Variants in C1orf159 observed in about 807,000 individuals in gnomAD.
C1orf159 encodes chromosome 1 open reading frame 159, also known as uncharacterized protein C1orf159.
A neutral mutation model predicts 25.6 loss-of-function variants in C1orf159; 19 were observed. The observed-to-expected ratio is 0.74, with a 90% CI of 0.52 to 1.09. The LOEUF is 1.09. Among genes scored for constraint, C1orf159 ranks in the 50% least tolerant of loss-of-function variants. The pLI, the probability that C1orf159 is intolerant of heterozygous loss-of-function variation, is 0.00. For synonymous variants in C1orf159, 139 were observed against 124.7 expected (o/e 1.12, Z -0.77); for missense variants, 274 against 290.6 (o/e 0.94, Z 0.42).
intron 1 of C1orf159, among the ~76,000 whole-genome samples, chr1:1,099,496 C>T (rs528477953): frequency 0.083 from 8,707 of 105,070 alleles, 1,039 homozygotes; most frequent in African/African-American, 0.24. Flanking sequence ...TTAAAATCTC[C>T]GACTATGATT....
intron 1 of C1orf159, among the ~76,000 whole-genome samples, chr1:1,115,301 A>G (rs2100784704): frequency 6.6e-6 from 1 of 152,230 alleles, no homozygotes; most frequent in South Asian, 2.1e-4. Flanking sequence ...CTGCACCCCG[A>G]CTAGCCCTCG....
rs1402084691 is a variant in C1orf159, at chr1:1,083,006, A to T, written c.503-19T>A. 1 of 1,568,338 alleles carries T rather than the reference A, an allele frequency of 6.4e-7. No individual in the cohort carries two copies. Among genetic ancestry groups the T allele is most frequent in the Non-Finnish European group, 8.7e-7 (1 of 1,154,598 alleles). The stretch of plus-strand genomic sequence containing the variant: ...TTCCGTACTGAAACGGGTCAGAGAC[A>T]GGCGAGGTCAGAGTGGGACCTGGAC... On this transcript the variant is annotated intron_variant, in intron 9 of 9. Coordinates refer to ENST00000421241, the MANE Select transcript of C1orf159 (RefSeq NM_017891.5).
chr1:1,086,017 A>C lies in C1orf159; in HGVS notation c.311-5T>G, dbSNP rs778572834. ...AGGCGGCCACGCGCGGAGCCCCTGC[A>C]AACAGACACCGCTGAGCAGACGGGC... On this transcript the variant is annotated splice_polypyrimidine_tract_variant and splice_region_variant and intron_variant, in intron 6 of 9. Coordinates refer to ENST00000421241, the MANE Select transcript of C1orf159 (RefSeq NM_017891.5). The C allele has an allele frequency of 5.0e-6, 8 of 1,612,528 alleles. No homozygotes were observed. The African/African-American group carries it at 9.3e-5, about 19-fold the overall frequency.
chr1:1,115,799 C>T (rs1263449544), intron 1 of C1orf159, among the ~76,000 whole-genome samples: 1 of 133,150 alleles, frequency 7.5e-6, no homozygotes, highest in Admixed American at 7.5e-5. Flanking sequence ...CCTCCCCAGG[C>T]GTCCCGCTCA....
chr1:1,112,036 C>T (rs564921040), intron 1 of C1orf159, among the ~76,000 whole-genome samples: 4 of 152,328 alleles, frequency 2.6e-5, no homozygotes, highest in Admixed American at 1.3e-4. Context: ...CGGAGTCGGG[C>T]GGTTGCCGTA....
rs963525104 is a variant in C1orf159, at chr1:1,107,946, T to G, written c.-136+8114A>C. 3.3e-5 allele frequency among the ~76,000 whole-genome samples: 5 copies of G among 152,262 alleles called. No individual in the cohort carries two copies. The East Asian group carries it at 9.6e-4, about 29-fold the overall frequency. On this transcript the variant is annotated intron_variant, in intron 1 of 9. Transcript: ENST00000421241. ...CATCTGAACATCAGAAGGAACAAACTCCGGACACACCATCTTTAAGAACTG... is the reference window on the plus strand; with the variant it reads ...CATCTGAACATCAGAAGGAACAAACGCCGGACACACCATCTTTAAGAACTG...
chr1:1,089,146 G>A lies in C1orf159; in HGVS notation c.148+1207C>T, dbSNP rs557564365. Among the ~76,000 whole-genome samples the A allele has an allele frequency of 2.0e-4, 31 of 152,244 alleles. No homozygotes were observed. In the East Asian group the frequency reaches 5.2e-3, roughly 26 times the overall value. On this transcript the variant is annotated intron_variant, in intron 4 of 9. Coordinates refer to ENST00000421241, the MANE Select transcript of C1orf159 (RefSeq NM_017891.5). The surrounding 1 kb of genome is among the most constrained non-coding windows in gnomAD (Gnocchi z 7.5). ...CGCAGGGGGAAGCGTATCCAACACC[G>A]CAGGCCCGGCCCCTCCCCACGCGCG... is the stretch of plus-strand genomic sequence containing the variant.
intron 1 of C1orf159, among the ~76,000 whole-genome samples, chr1:1,097,154 T>A (rs1450420834): frequency 6.6e-6 from 1 of 152,226 alleles, no homozygotes; most frequent in East Asian, 1.9e-4. Context: ...TTGCCCAGGC[T>A]GGAGTGCAGT....
rs1646249780 is a variant in C1orf159, at chr1:1,110,971, C to T, written c.-136+5089G>A. On this transcript the variant is annotated intron_variant, in intron 1 of 9. Transcript: ENST00000421241. The surrounding 1 kb of genome is among the most constrained non-coding windows in gnomAD (Gnocchi z 4.8). ...CTGGAGCAGCCTGCGAGGCAATCTC[C>T]ATGGATCACAGGCAGATTCTACATC... 6.6e-6 allele frequency among the ~76,000 whole-genome samples: 1 copy of T among 152,246 alleles called. No individual in the cohort carries two copies. Among genetic ancestry groups the T allele is most frequent in the Non-Finnish European group, 1.5e-5 (1 of 68,034 alleles).
chr1:1,114,449 C>T (rs116497586), intron 1 of C1orf159, among the ~76,000 whole-genome samples: 97 of 152,320 alleles, frequency 6.4e-4, no homozygotes, highest in Non-Finnish European at 7.6e-4. Context: ...TTTAAATGAG[C>T]TACCCAGTAA....
rs914710418 is a variant in C1orf159, at chr1:1,082,690, G to A, written c.*203C>T. The A allele has an allele frequency of 5.9e-5, 35 of 591,036 alleles. No individual in the cohort carries two copies. Among genetic ancestry groups the A allele is most frequent in the African/African-American group, 5.4e-4 (29 of 53,296 alleles). The allele number at this position is 591,036 out of a possible 1,614,324, so 36.6% of individuals were successfully genotyped here. On this transcript the variant is annotated 3_prime_UTR_variant, in exon 10 of 10. Coordinates refer to ENST00000421241, the MANE Select transcript of C1orf159 (RefSeq NM_017891.5). ...GATGCCTGCTCCTGGTCCGATAAAC[G>A]AGATGGCTGTGGTGGGGAGGAGCCT...
chr1:1,083,053 A>T, intron 9 of C1orf159, 66 bp from the exon 10 acceptor site: 1 of 1,359,272 alleles, frequency 7.4e-7, no homozygotes. Flanking sequence ...TGCAGGCCTC[A>T]GCCCTCACCG....
chr1:1,086,626 C>T (rs1645834134), intron 6 of C1orf159, among the ~76,000 whole-genome samples: 1 of 152,248 alleles, frequency 6.6e-6, no homozygotes, highest in Non-Finnish European at 1.5e-5. Flanking sequence ...CACAGAGCCA[C>T]AGGAGGCCAG....
intron 3 of C1orf159, chr1:1,091,055 A>G (rs1197794532): frequency 5.5e-6 from 7 of 1,274,868 alleles, no homozygotes; most frequent in South Asian, 1.4e-5. Context: ...ACCGCCAGGG[A>G]GGGGCCCAGG....
chr1:1,087,523 T>C lies in C1orf159; in HGVS notation c.223A>G (p.Asn75Asp). ...CTACAGCTTCTACACTCGGAGCCGT[T>C]GTAGGCTGGGAGGGTTCCGTTCCCA... ...RCGNGTLPAY[N>D]GSECRSFAGP... The change falls in exon 5 of 10, where the codon AAC becomes GAC. Residue 75 changes from asparagine (N) to aspartate (D), a missense_variant. Physicochemically the swap from Asn to Asp is conservative, Grantham distance 23. Transcript: ENST00000421241. The surrounding 1 kb of genome is among the most constrained non-coding windows in gnomAD (Gnocchi z 8.3). The C allele has an allele frequency of 6.5e-7, 1 of 1,549,828 alleles. No homozygotes were observed.
intron 1 of C1orf159, among the ~76,000 whole-genome samples, chr1:1,104,112 C>T (rs1038216225): frequency 1.8e-4 from 27 of 152,288 alleles, no homozygotes; most frequent in African/African-American, 6.0e-4. Flanking sequence ...CTCGGCCTCA[C>T]GAGTAGCTGG....
rs377522568 is a variant in C1orf159 at position 1,103,048 on chromosome 1, G to C, written c.-135-10945C>G. The stretch of plus-strand genomic sequence containing the variant: ...AGTAGAGACGGGGTTTCACCATGTT[G>C]GTCAGGCTTGTCTTGAACTCCTGAC... On this transcript the variant is annotated intron_variant, in intron 1 of 9. Transcript: ENST00000421241. Among the ~76,000 whole-genome samples, 15 of 152,068 alleles carry C rather than the reference G, an allele frequency of 9.9e-5. No individual in the cohort carries two copies. The East Asian group carries it at 2.6e-3, about 26-fold the overall frequency.
At chr1:1,108,621 A>G (rs1473357217) in intron 1 of C1orf159, among the ~76,000 whole-genome samples, 3 of 135,944 alleles carry the variant, frequency 2.2e-5, no homozygotes, top group African/African-American at 8.4e-5. Context: ...CACAGCCACC[A>G]TGTCTCAGCA....
intron 9 of C1orf159, chr1:1,083,729 C>A: frequency 1.6e-6 from 1 of 619,310 alleles, no homozygotes; most frequent in South Asian, 2.0e-5. Context: ...GCTTTAGGGA[C>A]GGGGCACGTC....
Sources: allele counts gnomAD v4.1 joint callset (sites outside exome capture counted in the v4.1 genomes callset), GRCh38; gene constraint gnomAD v4.1.1; non-coding constraint Gnocchi (gnomAD v3.1); transcripts MANE v1.5; gene names NCBI Gene and HGNC (gene_info 2026-07-23, HGNC 2026-07-21).